Variants in SEZ6L observed in about 807,000 individuals in gnomAD.
The protein encoded by SEZ6L is seizure related 6 homolog like.
Under a neutral mutation model 106.2 loss-of-function variants are expected in SEZ6L, and 37 were observed. The observed-to-expected ratio is 0.35, with a 90% CI of 0.27 to 0.46. The LOEUF (loss-of-function observed/expected upper bound fraction) is 0.46. Ranked by LOEUF, SEZ6L falls within the 20% of genes least tolerant of loss-of-function variation. The pLI is 1.00. For synonymous variants in SEZ6L, 541 were observed against 570.4 expected (o/e 0.95, Z 0.73); for missense variants, 1,172 against 1,332.8 (o/e 0.88, Z 1.88).
intron 5 of SEZ6L, among the ~76,000 whole-genome samples, chr22:26,302,235 T>C (rs1210115793): frequency 6.6e-6 from 1 of 152,164 alleles, no homozygotes; most frequent in East Asian, 1.9e-4. Context: ...TTATTAGAAA[T>C]GCATAATCCT....
rs1569473610 is a variant in SEZ6L at position 26,348,642 on chromosome 22, A to AAGAAAG, written c.2407+734_2407+735insGAGAAA. Among the ~76,000 whole-genome samples the AAGAAAG allele has an allele frequency of 8.3e-4, 26 of 31,186 alleles. 1 individual carries two copies. Among genetic ancestry groups the AAGAAAG allele is most frequent in the African/African-American group, 5.2e-3 (26 of 4,988 alleles). 20.5% of individuals were successfully genotyped at this position (31,186 alleles called of 152,430 possible). ...AAAGAAAGAAAGAAAGAAAGAAAGA[A>AAGAAAG]AGAAAAAGAAAGAAAGAAAGAAAGA... On this transcript the variant is annotated intron_variant, in intron 11 of 16. Coordinates refer to ENST00000248933, the MANE Select transcript of SEZ6L (RefSeq NM_021115.5).
intron 1 of SEZ6L, among the ~76,000 whole-genome samples, chr22:26,207,829 G>A (rs1363827621): frequency 1.3e-5 from 2 of 151,718 alleles, no homozygotes; most frequent in Admixed American, 6.6e-5. Flanking sequence ...CCTTTATGCT[G>A]TGGTCGCTGT....
Position 26,351,086 on chromosome 22 carries a change from C to T in SEZ6L, c.2442C>T (p.His814=), listed in dbSNP as rs2083262910. The change falls in exon 12 of 17, where the codon CAC becomes CAT. Residue 814 remains histidine (H), a synonymous_variant. Transcript: ENST00000248933. Reference sequence around the variant, plus strand: ...GCACCGACCCCGGAGAGGTGGATCACTCGACCCGCTTAATTTCGGATCCTG... The same window carrying T: ...GCACCGACCCCGGAGAGGTGGATCATTCGACCCGCTTAATTTCGGATCCTG... ...MYCTDPGEVD[H]STRLISDPVL... 1 of 1,614,044 alleles carries T rather than the reference C, an allele frequency of 6.2e-7. No homozygotes were observed. The highest frequency in any genetic ancestry group is 1.1e-5 in the South Asian group (1 of 91,082).
intron 9 of SEZ6L, among the ~76,000 whole-genome samples, chr22:26,333,526 A>T (rs999009013): frequency 6.6e-6 from 1 of 152,154 alleles, no homozygotes; most frequent in South Asian, 2.1e-4. Context: ...GGTCCTAGGT[A>T]GGAATTGGGG....
intron 7 of SEZ6L, 85 bp downstream of exon 7, chr22:26,310,921 G>C (rs2081807241): frequency 1.5e-6 from 2 of 1,356,422 alleles, no homozygotes; most frequent in Non-Finnish European, 2.0e-6. Flanking sequence ...TAGAAATCTG[G>C]GCTGCGAAGG....
intron 1 of SEZ6L, among the ~76,000 whole-genome samples, chr22:26,291,706 T>C (rs2081113991): frequency 1.3e-5 from 2 of 152,194 alleles, no homozygotes; most frequent in African/African-American, 4.8e-5. Flanking sequence ...ACTCATCCTC[T>C]TAGCTGCATG....
chr22:26,344,275 C>A (rs999093215), intron 10 of SEZ6L, among the ~76,000 whole-genome samples: 10 of 152,196 alleles, frequency 6.6e-5, no homozygotes, highest in African/African-American at 2.4e-4. Flanking sequence ...CAGAGAGATG[C>A]AAAGACCCAT....
chr22:26,201,295 T>C (rs1940926402), intron 1 of SEZ6L, among the ~76,000 whole-genome samples: 1 of 145,684 alleles, frequency 6.9e-6, no homozygotes, highest in Non-Finnish European at 1.5e-5. Context: ...CTGAGGCTGG[T>C]GGATCATTTG....
chr22:26,268,239 G>C lies in SEZ6L; in HGVS notation c.95-24167G>C, dbSNP rs2080250974. On this transcript the variant is annotated intron_variant, in intron 1 of 16. Transcript: ENST00000248933. The stretch of plus-strand genomic sequence containing the variant: ...ATGACTTTGTCCTCTGCCTGGGCCA[G>C]CTTCTCAGATCTTGTCTCTCTTTCT... Among the ~76,000 whole-genome samples the C allele has an allele frequency of 2.0e-5, 3 of 152,334 alleles. No individual in the cohort carries two copies. In the South Asian group the frequency reaches 6.2e-4, roughly 32 times the overall value.
intron 3 of SEZ6L, 38 bp from the exon 4 acceptor site, chr22:26,296,850 C>T (rs1352981904): frequency 6.7e-7 from 1 of 1,502,442 alleles, no homozygotes; most frequent in Non-Finnish European, 9.0e-7. Flanking sequence ...TCAAACACAA[C>T]TCAGAGTTCC....
intron 1 of SEZ6L, among the ~76,000 whole-genome samples, chr22:26,227,213 A>C (rs1182665908): frequency 6.6e-6 from 1 of 152,208 alleles, no homozygotes; most frequent in Non-Finnish European, 1.5e-5. Flanking sequence ...ATTCAGGCTC[A>C]GAGTCTTGCT....
intron 1 of SEZ6L, among the ~76,000 whole-genome samples, chr22:26,258,930 G>C (rs1182366010): frequency 6.6e-6 from 1 of 152,220 alleles, no homozygotes; most frequent in Non-Finnish European, 1.5e-5. Context: ...ATGGAAGGAG[G>C]ATCTTTTGGA....
chr22:26,294,438 G>T lies in SEZ6L; in HGVS notation c.969+13G>T. The T allele has an allele frequency of 6.2e-7, 1 of 1,613,022 alleles. No individual in the cohort carries two copies. Among genetic ancestry groups the T allele is most frequent in the Non-Finnish European group, 8.5e-7 (1 of 1,179,340 alleles). On this transcript the variant is annotated intron_variant, in intron 3 of 16. Coordinates refer to ENST00000248933, the MANE Select transcript of SEZ6L (RefSeq NM_021115.5). ...GGTGGAGCTCCAGGTAACCCCAGGA[G>T]AGTACCTCACAGAGGCTGCCTCGTC... is the stretch of plus-strand genomic sequence containing the variant.
At chr22:26,278,435 G>A (rs74562489) in intron 1 of SEZ6L, among the ~76,000 whole-genome samples, 61 of 152,232 alleles carry the variant, frequency 4.0e-4, no homozygotes, top group African/African-American at 1.3e-3. Context: ...ACCCTCACCC[G>A]TCTTCCACCC....
At chr22:26,369,341 C>CTTTTTTTTTTTTTTTTTT (rs199641007) in intron 13 of SEZ6L, among the ~76,000 whole-genome samples, 1,206 of 103,374 alleles carry the variant, frequency 0.012, 284 homozygotes, top group African/African-American at 0.043. Flanking sequence ...ATAAGCAGTT[C>CTTTTTTTTTTTTTTTTTT]TTTTGTTTTT....
At chr22:26,207,116 A>G (rs899131115) in intron 1 of SEZ6L, among the ~76,000 whole-genome samples, 5 of 152,200 alleles carry the variant, frequency 3.3e-5, no homozygotes, top group African/African-American at 1.2e-4. Flanking sequence ...ACGTTGGGAC[A>G]GTTATTTTTC....
rs138022079 is a variant in SEZ6L, at chr22:26,297,308, C to T, written c.1162+228C>T. Reference sequence around the variant, plus strand: ...CAAAATACTGTTATAATCTATGATGCCTTAATCTATGTGCTTTTTATTAAT... The same window carrying T: ...CAAAATACTGTTATAATCTATGATGTCTTAATCTATGTGCTTTTTATTAAT... On this transcript the variant is annotated intron_variant, in intron 4 of 16. Transcript: ENST00000248933. 1.3e-3 allele frequency among the ~76,000 whole-genome samples: 205 copies of T among 152,266 alleles called. 1 individual carries two copies. The East Asian group carries it at 0.031, about 23-fold the overall frequency.
chr22:26,294,268 C>T, intron 2 of SEZ6L, 24 bp from the exon 3 acceptor site: 1 of 1,612,624 alleles, frequency 6.2e-7, no homozygotes, highest in East Asian at 2.2e-5. Context: ...TCTTTGGTGT[C>T]CTAATTAAAG....
In SEZ6L at chr22:26,265,356, G is replaced by C. The variant is rs1465618313; in HGVS notation, c.95-27050G>C. Reference sequence around the variant, plus strand: ...ACAGAACCTCCCGCACGCAAGTTCTGAGCTGAGAAAAAAAATGAATGCTTC... The same window carrying C: ...ACAGAACCTCCCGCACGCAAGTTCTCAGCTGAGAAAAAAAATGAATGCTTC... On this transcript the variant is annotated intron_variant, in intron 1 of 16. Transcript: ENST00000248933. Among the ~76,000 whole-genome samples the C allele has an allele frequency of 3.3e-5, 5 of 152,096 alleles. No homozygotes were observed. In the East Asian group the frequency reaches 9.6e-4, roughly 29 times the overall value.
Sources: allele counts gnomAD v4.1 joint callset (sites outside exome capture counted in the v4.1 genomes callset), GRCh38; gene constraint gnomAD v4.1.1; transcripts MANE v1.5; gene names NCBI Gene and HGNC (gene_info 2026-07-23, HGNC 2026-07-21).